Variants in MIPOL1 observed in about 807,000 individuals in gnomAD.
MIPOL1 encodes the protein mirror-image polydactyly 1, also known as mirror-image polydactyly gene 1 protein.
In MIPOL1, 57 loss-of-function variants were observed where a neutral mutation model predicts 60.9. The observed-to-expected ratio is 0.94, with a 90% CI of 0.76 to 1.17. The LOEUF (loss-of-function observed/expected upper bound fraction) is 1.17, where lower values mean the gene tolerates loss of function less well. MIPOL1 is among the 50% of genes most tolerant of loss of function. The pLI, the probability that MIPOL1 is intolerant of heterozygous loss-of-function variation, is 0.00. For synonymous variants in MIPOL1, 179 were observed against 168.8 expected, an observed-to-expected ratio of 1.06 and a Z score of -0.47; for missense variants, 551 against 511.6, an observed-to-expected ratio of 1.08 and a Z score of -0.74.
At chr14:37,390,313 C>T (rs1301298933) in intron 10 of MIPOL1, among the ~76,000 whole-genome samples, 1 of 152,028 alleles carries the variant, frequency 6.6e-6, no homozygotes, top group Non-Finnish European at 1.5e-5. Flanking sequence ...ACTTTATCTA[C>T]CTGGCAGAGA....
At chr14:37,335,107 A>G (rs1290332035) in intron 9 of MIPOL1, among the ~76,000 whole-genome samples, 3 of 152,044 alleles carry the variant, frequency 2.0e-5, no homozygotes, top group African/African-American at 7.2e-5. Flanking sequence ...TACCTTTACC[A>G]TTTTACATTT....
intron 11 of MIPOL1, among the ~76,000 whole-genome samples, chr14:37,455,629 C>A (rs557674190): frequency 6.6e-6 from 1 of 152,040 alleles, no homozygotes; most frequent in Admixed American, 6.6e-5. Flanking sequence ...AAATAACTTA[C>A]TGCCACTCTC....
At chr14:37,528,613 G>A (rs973886070) in intron 12 of MIPOL1, among the ~76,000 whole-genome samples, 4 of 152,036 alleles carry the variant, frequency 2.6e-5, no homozygotes, top group African/African-American at 9.7e-5. Flanking sequence ...TAATTATAAA[G>A]TGTATTATCA....
chr14:37,450,611 T>C (rs1053818951), intron 11 of MIPOL1, among the ~76,000 whole-genome samples: 8 of 152,174 alleles, frequency 5.3e-5, no homozygotes, highest in Non-Finnish European at 7.4e-5. Flanking sequence ...TCTCCACTTA[T>C]AGATGCTTGC....
chr14:37,491,495 C>A (rs531876673), intron 11 of MIPOL1, among the ~76,000 whole-genome samples: 17 of 152,250 alleles, frequency 1.1e-4, no homozygotes, highest in African/African-American at 4.1e-4. Flanking sequence ...TGCCACTGCA[C>A]TCCAGCCTAG....
chr14:37,470,493 CCTCT>C (rs984634631), intron 11 of MIPOL1, among the ~76,000 whole-genome samples: 2 of 152,048 alleles, frequency 1.3e-5, no homozygotes, highest in African/African-American at 4.8e-5. Flanking sequence ...ACCTCCTCTT[CCTCT>C]CTCTCTCCTG....
In MIPOL1 at chr14:37,303,396, C is replaced by T. The variant is rs187904008; in HGVS notation, c.624-4660C>T. Among the ~76,000 whole-genome samples the T allele has an allele frequency of 6.1e-4, 92 of 151,920 alleles. 1 individual carries two copies. Among genetic ancestry groups the T allele is most frequent in the African/African-American group, 2.0e-3 (83 of 41,520 alleles). On this transcript the variant is annotated intron_variant, in intron 7 of 12. Coordinates refer to ENST00000684589, the MANE Select transcript of MIPOL1 (RefSeq NM_001388067.1). ...TTCTGATCAGTGTTACAACCATCTG[C>T]CTACATATCCAAGCCAAAACTTCTT...
rs1168435381 is a variant in MIPOL1, at chr14:37,404,545, C to T, written c.937-18310C>T. Among the ~76,000 whole-genome samples, 5 of 152,168 alleles carry T rather than the reference C, an allele frequency of 3.3e-5. No homozygotes were observed. In the East Asian group the frequency reaches 9.6e-4, roughly 29 times the overall value. ...ATAAAAGCCTGCAGAATGTCTGCTT[C>T]TACTTGTAGCACTTGTCTGATTCCT... On this transcript the variant is annotated intron_variant, in intron 10 of 12. Coordinates refer to ENST00000684589, the MANE Select transcript of MIPOL1 (RefSeq NM_001388067.1).
At chr14:37,497,407 A>G (rs1400592349) in intron 11 of MIPOL1, among the ~76,000 whole-genome samples, 1 of 152,246 alleles carries the variant, frequency 6.6e-6, no homozygotes, top group Non-Finnish European at 1.5e-5. Flanking sequence ...TGAGTTTTAA[A>G]TTAGGCCATA....
At chr14:37,213,476 A>C (rs1425817143) in intron 1 of MIPOL1, among the ~76,000 whole-genome samples, 1 of 152,190 alleles carries the variant, frequency 6.6e-6, no homozygotes, top group Non-Finnish European at 1.5e-5. Context: ...AAGTAGGAGA[A>C]AGTTAGTGAT....
chr14:37,355,176 G>C (rs1206322992), intron 9 of MIPOL1, among the ~76,000 whole-genome samples: 4 of 148,982 alleles, frequency 2.7e-5, no homozygotes, highest in Non-Finnish European at 4.5e-5. Flanking sequence ...AGCTTAGTTT[G>C]GCTGGATATG....
intron 12 of MIPOL1, among the ~76,000 whole-genome samples, chr14:37,535,258 T>C (rs1317646078): frequency 6.6e-6 from 1 of 152,158 alleles, no homozygotes; most frequent in Non-Finnish European, 1.5e-5. Context: ...TTTGGCGCCT[T>C]GTCTACTTTT....
chr14:37,317,550 T>C (rs2899855), intron 9 of MIPOL1, among the ~76,000 whole-genome samples: 151,486 of 152,118 alleles, frequency 1, 75,434 homozygotes, highest in Middle Eastern at 1. Context: ...TCTCCCTCAC[T>C]GTGGACTCTC....
intron 7 of MIPOL1, among the ~76,000 whole-genome samples, chr14:37,303,277 A>G (rs764536796): frequency 5.3e-5 from 8 of 151,880 alleles, no homozygotes; most frequent in Admixed American, 6.6e-5. Context: ...CAGAATGTCT[A>G]CCTCAGATTT....
chr14:37,216,401 A>G lies in MIPOL1; in HGVS notation c.-199+18297A>G, dbSNP rs530549145. On this transcript the variant is annotated intron_variant, in intron 1 of 12. Coordinates refer to ENST00000684589, the MANE Select transcript of MIPOL1 (RefSeq NM_001388067.1). ...CCAGACAGAAAATCAACTTGGAAAC[A>G]TCAAACTTCGTTTGCATTATAGACC... Among the ~76,000 whole-genome samples the G allele has an allele frequency of 3.3e-5, 5 of 151,364 alleles. No homozygotes were observed. In the South Asian group the frequency reaches 1.0e-3, roughly 31 times the overall value.
intron 10 of MIPOL1, among the ~76,000 whole-genome samples, chr14:37,416,314 G>A (rs1271765477): frequency 6.6e-6 from 1 of 152,062 alleles, no homozygotes; most frequent in Non-Finnish European, 1.5e-5. Context: ...ATGACATTTT[G>A]TATACAGTCA....
chr14:37,313,312 T>C (rs534334760), intron 9 of MIPOL1, among the ~76,000 whole-genome samples: 2 of 152,266 alleles, frequency 1.3e-5, no homozygotes, highest in East Asian at 3.9e-4. Flanking sequence ...TATTGGGAGA[T>C]ACAGTAATTC....
At chr14:37,432,806 A>G (rs920620472) in intron 11 of MIPOL1, among the ~76,000 whole-genome samples, 1 of 152,206 alleles carries the variant, frequency 6.6e-6, no homozygotes, top group African/African-American at 2.4e-5. Context: ...TCTGCATATC[A>G]TTGGAAAAAA....
chr14:37,209,611 G>T (rs147101176), intron 1 of MIPOL1, among the ~76,000 whole-genome samples: 3 of 152,308 alleles, frequency 2.0e-5, no homozygotes, highest in African/African-American at 7.2e-5. Context: ...AGTGAGCTGA[G>T]ATCACGTCAC....
Sources: allele counts gnomAD v4.1 joint callset (sites outside exome capture counted in the v4.1 genomes callset), GRCh38; gene constraint gnomAD v4.1.1; transcripts MANE v1.5; gene names NCBI Gene and HGNC (gene_info 2026-07-23, HGNC 2026-07-21).